Variants in TTBK1 observed in about 807,000 individuals in gnomAD.
TTBK1 encodes the protein tau tubulin kinase 1.
A neutral mutation model predicts 108.5 loss-of-function variants in TTBK1; 34 were observed. The ratio of observed to expected loss-of-function variants is 0.31; its 90% CI spans 0.24 to 0.42. The LOEUF is 0.42. TTBK1 is among the 10% of genes least tolerant of loss of function. TTBK1 has a pLI of 1.00. For synonymous variants in TTBK1, 809 were observed against 795.1 expected (o/e 1.02, Z -0.29); for missense variants, 1,539 against 1,826.0 (o/e 0.84, Z 2.86).
intron 13 of TTBK1, among the ~76,000 whole-genome samples, chr6:43,266,569 G>A (rs922891688): frequency 4.3e-4 from 66 of 152,104 alleles, no homozygotes; most frequent in African/African-American, 1.4e-3. Context: ...CAGGCAACTC[G>A]TTCCGAGAGC....
In TTBK1 at chr6:43,283,927, G is replaced by A. The variant is rs866329796; in HGVS notation, c.3187G>A (p.Glu1063Lys). The A allele has an allele frequency of 6.2e-7, 1 of 1,613,052 alleles. No homozygotes were observed. Residue 1063 changes from glutamate (E) to lysine (K), a missense_variant, in exon 14 of 15, where the codon GAG becomes AAG. This residue lies in a region of TTBK1 where 1,055 missense variants were observed against 1,086.5 expected (regional missense o/e 0.97). Transcript: ENST00000259750. The surrounding 1 kb of genome is among the most constrained non-coding windows in gnomAD (Gnocchi z 8.1). ...CCGTATCCCTGTCCTGCTCTCTGAG[G>A]AGGACACGGGCTCGGAGCCCTCAGG... ...RSRIPVLLSE[E>K]DTGSEPSGSL...
Position 43,283,593 on chromosome 6 carries a change from TGAG to T in TTBK1, c.2857_2859del (p.Glu953del), listed in dbSNP as rs1562101442. 2 of 1,614,090 alleles carry T rather than the reference TGAG, an allele frequency of 1.2e-6. No homozygotes were observed. Among genetic ancestry groups the T allele is most frequent in the Non-Finnish European group, 1.7e-6 (2 of 1,179,980 alleles). On this transcript the variant is annotated inframe_deletion, in exon 14 of 15. Transcript: ENST00000259750. This position sits in a 1 kb window ranked among gnomAD's most constrained non-coding sequence, Gnocchi z 8.1. The stretch of plus-strand genomic sequence containing the variant: ...CTTCCGGTGGACAAGCCTTGCGGTC[TGAG>T]GAGTTCAGCGCTGGGGGCGAGCTGG...
At chr6:43,280,457 C>G (rs916108811) in intron 13 of TTBK1, among the ~76,000 whole-genome samples, 2 of 152,160 alleles carry the variant, frequency 1.3e-5, no homozygotes, top group Non-Finnish European at 2.9e-5. Context: ...CTTATATGAC[C>G]TCATTTATGA....
At position 43,254,099 on chromosome 6, in the gene TTBK1, A is replaced by C. The variant is rs556566414; in HGVS notation, c.471+391A>C. 2.0e-5 allele frequency among the ~76,000 whole-genome samples: 3 copies of C among 152,312 alleles called. No individual in the cohort carries two copies. The East Asian group carries it at 5.8e-4, about 29-fold the overall frequency. ...AGTAGCTGATTTTGTGGCATCTTGA[A>C]TATTTGTGCTAGGAAAAAAATCTCC... On this transcript the variant is annotated intron_variant, in intron 5 of 14. Coordinates refer to ENST00000259750, the MANE Select transcript of TTBK1 (RefSeq NM_032538.3).
chr6:43,270,092 C>T (rs951156636), intron 13 of TTBK1: 1 of 1,404,312 alleles, frequency 7.1e-7, no homozygotes, highest in Admixed American at 3.2e-5. Context: ...CCCCCTAGAA[C>T]GTTGGCCCAA....
intron 13 of TTBK1, chr6:43,270,271 A>C: frequency 8.8e-7 from 1 of 1,133,870 alleles, no homozygotes; most frequent in Non-Finnish European, 1.1e-6. Context: ...AGTCCAGTGG[A>C]AAGAGAGGTG....
Position 43,254,616 on chromosome 6 carries a change from C to A in TTBK1, c.541C>A (p.Arg181=). Residue 181 remains arginine, a synonymous_variant, in exon 6 of 15, where the codon CGG becomes AGG. Coordinates refer to ENST00000259750, the MANE Select transcript of TTBK1 (RefSeq NM_032538.3). Reference sequence around the variant, plus strand: ...CTATATGCTGGACTTCGGGCTGGCCCGGCAGTACACCAACACCACGGGGGA... The same window carrying A: ...CTATATGCTGGACTTCGGGCTGGCCAGGCAGTACACCAACACCACGGGGGA... ...KCYMLDFGLA[R]QYTNTTGDVR... is the part of the protein sequence containing the mutation. The A allele has an allele frequency of 6.3e-7, 1 of 1,590,318 alleles. No individual in the cohort carries two copies. The highest frequency in any genetic ancestry group is 1.1e-5 in the South Asian group (1 of 87,152).
rs1481122471 is a variant in TTBK1, at chr6:43,269,412, A to C, written c.1986+6062A>C. 5.3e-5 allele frequency among the ~76,000 whole-genome samples: 8 copies of C among 152,206 alleles called. No homozygotes were observed. The highest frequency in any genetic ancestry group is 1.0e-4 in the Non-Finnish European group (7 of 68,032). On this transcript the variant is annotated intron_variant, in intron 13 of 14. Transcript: ENST00000259750. This position sits in a 1 kb window ranked among gnomAD's most constrained non-coding sequence, Gnocchi z 4.8. ...GTCTCCTTGCAGAGACCATAGTGTG[A>C]GAAGTTCCAGAGAGAAGGAGGAGGG...
rs1289056680 is a variant in TTBK1 at position 43,246,640 on chromosome 6, A to G, written c.-21A>G. The G allele has an allele frequency of 6.3e-7, 1 of 1,579,326 alleles. No homozygotes were observed. The highest frequency in any genetic ancestry group is 1.7e-5 in the Admixed American group (1 of 57,370). ...CCCCCTCAGGGCAGGCCCGGCGGAC[A>G]CCCCTCCCTCTGGCTGGCGGATGCA... On this transcript the variant is annotated 5_prime_UTR_variant, in exon 2 of 15. Transcript: ENST00000259750.
rs1777422396 is a variant in TTBK1, at chr6:43,257,925, C to G, written c.975C>G (p.Thr325=). The stretch of plus-strand genomic sequence containing the variant: ...CCCTCCTGTCCACGAGCACCTCTAC[C>G]CCGCCCCAGCAGAACACCCGGCAGA... ...TDALLSTSTS[T]PPQQNTRQTA... is the part of the protein sequence containing the mutation. Residue 325 remains threonine, a synonymous_variant, in exon 10 of 15, where the codon ACC becomes ACG. Coordinates refer to ENST00000259750, the MANE Select transcript of TTBK1 (RefSeq NM_032538.3). This position sits in a 1 kb window ranked among gnomAD's most constrained non-coding sequence, Gnocchi z 4.5. 1 of 1,613,810 alleles carries G rather than the reference C, an allele frequency of 6.2e-7. No homozygotes were observed. The highest frequency in any genetic ancestry group is 1.3e-5 in the African/African-American group (1 of 74,968).
At chr6:43,266,128 G>A (rs991662149) in intron 13 of TTBK1, among the ~76,000 whole-genome samples, 10 of 152,144 alleles carry the variant, frequency 6.6e-5, no homozygotes, top group Admixed American at 2.6e-4. Flanking sequence ...TGTGGGCCTC[G>A]GGTTCCCCAC....
At chr6:43,274,052 C>G (rs1236767832) in intron 13 of TTBK1, among the ~76,000 whole-genome samples, 1 of 152,032 alleles carries the variant, frequency 6.6e-6, no homozygotes, top group Non-Finnish European at 1.5e-5. Context: ...TGAGTGGGGG[C>G]CTCCTGGTGG....
chr6:43,283,395 C>A lies in TTBK1; in HGVS notation c.2655C>A (p.Gly885=). ...GCCAGCTGGACGTATCTGAGCCAGG[C>A]ACCCTGTCCTCTGTCCTCAAGTCTG... ...TGSQLDVSEP[G]TLSSVLKSEP... The change falls in exon 14 of 15, where the codon GGC becomes GGA. Residue 885 remains glycine (G), a synonymous_variant. Transcript: ENST00000259750. This position sits in a 1 kb window ranked among gnomAD's most constrained non-coding sequence, Gnocchi z 8.1. The A allele has an allele frequency of 6.2e-7, 1 of 1,610,672 alleles. No homozygotes were observed. The highest frequency in any genetic ancestry group is 8.5e-7 in the Non-Finnish European group (1 of 1,178,442).
At chr6:43,261,728 T>C (rs949092659) in intron 12 of TTBK1, among the ~76,000 whole-genome samples, 1 of 145,990 alleles carries the variant, frequency 6.8e-6, no homozygotes, top group African/African-American at 2.6e-5. Context: ...GGCAGGAGAA[T>C]AGCTTGAACC....
Position 43,273,499 on chromosome 6 carries a change from T to C in TTBK1, c.1987-9228T>C, listed in dbSNP as rs1777887022. Among the ~76,000 whole-genome samples the C allele has an allele frequency of 6.6e-6, 1 of 152,092 alleles. No homozygotes were observed. Among genetic ancestry groups the C allele is most frequent in the African/African-American group, 2.4e-5 (1 of 41,364 alleles). On this transcript the variant is annotated intron_variant, in intron 13 of 14. Transcript: ENST00000259750. This position sits in a 1 kb window ranked among gnomAD's most constrained non-coding sequence, Gnocchi z 4.2. ...GGGATCAGGTGGGCAGAGGAGGAGT[T>C]AGCATGAGAAAGCAGGGGCTCCAAA...
rs371781395 is a variant in TTBK1, at chr6:43,285,051, G to A, written c.3641G>A (p.Arg1214His). ...CTCCGCCCCAAACAACCTCCTGGCCGCGGCCTGGGCCCAGGGCGAGCCCAA... is the reference window on the plus strand; with the variant it reads ...CTCCGCCCCAAACAACCTCCTGGCCACGGCCTGGGCCCAGGGCGAGCCCAA... ...ADLRPKQPPG[R>H]GLGPGRAQAG... The change falls in exon 15 of 15, where the codon CGC (arginine) becomes CAC (histidine). Residue 1214 changes from arginine to histidine, a missense_variant. Transcript: ENST00000259750. This position sits in a 1 kb window ranked among gnomAD's most constrained non-coding sequence, Gnocchi z 4.7. 1.3e-6 allele frequency: 2 copies of A among 1,510,570 alleles called. No homozygotes were observed. Among genetic ancestry groups the A allele is most frequent in the Non-Finnish European group, 1.8e-6 (2 of 1,136,208 alleles). The allele number at this position is 1,510,570 out of a possible 1,614,324, so 93.6% of individuals were successfully genotyped here. A position where few individuals can be genotyped will look rare whatever the true frequency, so the allele number is the denominator to read the frequency against.
chr6:43,255,820 T>C lies in TTBK1; in HGVS notation c.825T>C (p.Ile275=). The C allele has an allele frequency of 6.2e-7, 1 of 1,614,072 alleles. No individual in the cohort carries two copies. The highest frequency in any genetic ancestry group is 8.5e-7 in the Non-Finnish European group (1 of 1,179,998). Residue 275 remains isoleucine (I), a synonymous_variant, in exon 9 of 15, where the codon ATT becomes ATC. Transcript: ENST00000259750. The part of the protein sequence containing the change: ...PSEFHLFLDH[I]ASLDYFTKPD... ...AGTTCCACCTCTTCCTGGACCACAT[T>C]GCCAGCCTCGACTACTTCACCAAGC...
chr6:43,259,750 C>T lies in TTBK1; in HGVS notation c.1424+44C>T. The T allele has an allele frequency of 1.3e-6, 2 of 1,489,180 alleles. No individual in the cohort carries two copies. Among genetic ancestry groups the T allele is most frequent in the Non-Finnish European group, 1.8e-6 (2 of 1,116,668 alleles). 92.2% of individuals were successfully genotyped at this position (1,489,180 alleles called of 1,614,324 possible). A position where few individuals can be genotyped will look rare whatever the true frequency, so the allele number is the denominator to read the frequency against. ...GCATGGTTGGGGCCCAAGGCCCTCT[C>T]CGCCTTCACGTGGCTGGTCTGGAGG... On this transcript the variant is annotated intron_variant, in intron 12 of 14. Transcript: ENST00000259750. This position sits in a 1 kb window ranked among gnomAD's most constrained non-coding sequence, Gnocchi z 6.7.
rs1422409934 is a variant in TTBK1 at position 43,269,389 on chromosome 6, C to G, written c.1986+6039C>G. On this transcript the variant is annotated intron_variant, in intron 13 of 14. Transcript: ENST00000259750. The surrounding 1 kb of genome is among the most constrained non-coding windows in gnomAD (Gnocchi z 4.8). ...CTCGGAGGAGGTGAGTGACCATGGT[C>G]TCCTTGCAGAGACCATAGTGTGAGA... Among the ~76,000 whole-genome samples the G allele has an allele frequency of 6.6e-6, 1 of 152,218 alleles. No individual in the cohort carries two copies. The highest frequency in any genetic ancestry group is 1.5e-5 in the Non-Finnish European group (1 of 68,040).
Sources: allele counts gnomAD v4.1 joint callset (sites outside exome capture counted in the v4.1 genomes callset), GRCh38; gene constraint gnomAD v4.1.1; regional missense constraint gnomAD v4.1.1; non-coding constraint Gnocchi (gnomAD v3.1); transcripts MANE v1.5; gene names NCBI Gene and HGNC (gene_info 2026-07-23, HGNC 2026-07-21).